The following NBPF12 variants were observed in gnomAD, a reference collection of about 807,000 sequenced individuals.
NBPF12 encodes the protein NBPF member 12, also known as NBPF family member NBPF12.
A neutral mutation model predicts 146.4 loss-of-function variants in NBPF12; 115 were observed. That is an observed-to-expected ratio of 0.79 (90% CI 0.68 to 0.92). The LOEUF is 0.92. NBPF12 is among the 40% of genes least tolerant of loss of function. NBPF12 has a pLI of 0.00. For synonymous variants in NBPF12, 385 were observed against 508.9 expected (o/e 0.76, Z 3.28); for missense variants, 1,205 against 1,326.8 (o/e 0.91, Z 1.43).
chr1:146,939,188 T>A (rs1654678079), intron 1 of NBPF12, among the ~76,000 whole-genome samples, 176 bp downstream of exon 1: 1 of 151,922 alleles, frequency 6.6e-6, no homozygotes, highest in Non-Finnish European at 1.5e-5. Context: ...CCCACAGCCC[T>A]CCTCTCGTGG....
At chr1:146,954,537 T>G (rs1440857119) in intron 2 of NBPF12, among the ~76,000 whole-genome samples, 1 of 150,454 alleles carries the variant, frequency 6.6e-6, no homozygotes, top group Non-Finnish European at 1.5e-5. Flanking sequence ...AGAGTTGTTA[T>G]GTTTAAAGAG....
upstream of NBPF12, among the ~76,000 whole-genome samples, chr1:146,946,388 A>G (rs1276192920): frequency 6.6e-6 from 1 of 150,654 alleles, no homozygotes. Context: ...AGCCATTCTG[A>G]TAGGTTTACG....
intron 6 of NBPF12, among the ~76,000 whole-genome samples, chr1:146,963,795 G>C (rs1210802707): frequency 6.8e-6 from 1 of 146,718 alleles, no homozygotes; most frequent in East Asian, 2.0e-4. Flanking sequence ...TTTTCAAAAT[G>C]AGATGAAGCC....
chr1:146,963,861 A>G (rs1180270709), intron 6 of NBPF12, among the ~76,000 whole-genome samples: 6 of 146,024 alleles, frequency 4.1e-5, no homozygotes, highest in Non-Finnish European at 5.9e-5. Flanking sequence ...GGTGGTAGGA[A>G]GTGCTTCACA....
intron 5 of NBPF12, among the ~76,000 whole-genome samples, chr1:146,962,891 C>T (rs1326476500): frequency 7.9e-5 from 12 of 151,410 alleles, no homozygotes; most frequent in African/African-American, 2.4e-4. Context: ...CATCGAGGAT[C>T]TTGCAGGAGC....
chr1:146,987,795 T>A (rs1305522731), intron 25 of NBPF12, among the ~76,000 whole-genome samples, 159 bp from the exon 29 acceptor site: 1 of 152,092 alleles, frequency 6.6e-6, no homozygotes, highest in Non-Finnish European at 1.5e-5. Context: ...CATTTGGCCC[T>A]GTTCTGTCCC....
intron 1 of NBPF12, among the ~76,000 whole-genome samples, chr1:146,950,089 A>T (rs1361101007): frequency 3.3e-5 from 5 of 152,076 alleles, no homozygotes; most frequent in African/African-American, 1.2e-4. Context: ...TTTGGGGACC[A>T]TTTCAGAAAT....
chr1:146,960,608 T>C (rs1655788325), intron 4 of NBPF12, among the ~76,000 whole-genome samples: 1 of 151,962 alleles, frequency 6.6e-6, no homozygotes, highest in African/African-American at 2.4e-5. Flanking sequence ...TCAATCGTGT[T>C]TTCAAGAATC....
Position 146,964,890 on chromosome 1 carries a change from C to A in NBPF12, c.567-3C>A. 6.3e-7 allele frequency: 1 copy of A among 1,582,218 alleles called. No individual in the cohort carries two copies. The highest frequency in any genetic ancestry group is 2.2e-5 in the East Asian group (1 of 44,752). ...GTCATCTCTGTCCCACCTGGCTCAT[C>A]AGGGAGGTGCAGAAGGCTGAAGAGA... On this transcript the variant is annotated splice_region_variant and splice_polypyrimidine_tract_variant and intron_variant, in intron 7 of 33. Transcript: ENST00000617844.
chr1:146,962,025 G>C (rs1330363428), intron 4 of NBPF12, 136 bp from the exon 8 acceptor site: 2 of 722,558 alleles, frequency 2.8e-6, no homozygotes, highest in Non-Finnish European at 4.7e-6. Flanking sequence ...GAGTAAAGAT[G>C]TGGAAATCCC....
intron 2 of NBPF12, among the ~76,000 whole-genome samples, chr1:146,955,114 C>T (rs1655526860): frequency 1.0e-5 from 1 of 97,794 alleles, no homozygotes; most frequent in Non-Finnish European, 2.1e-5. Flanking sequence ...AAAGAAGATA[C>T]ATGAATGGTC....
intron 2 of NBPF12, among the ~76,000 whole-genome samples, chr1:146,952,282 T>C (rs879065518): frequency 0.018 from 2,787 of 152,060 alleles, 107 homozygotes; most frequent in African/African-American, 0.064. Flanking sequence ...AATGAGCAGC[T>C]GACAGTGGCT....
intron 2 of NBPF12, among the ~76,000 whole-genome samples, chr1:146,955,017 C>T (rs1306407781): frequency 1.5e-4 from 14 of 95,170 alleles, no homozygotes; most frequent in Non-Finnish European, 2.5e-4. Flanking sequence ...TATATATACA[C>T]ACACACACAC....
At chr1:146,984,942 C>CGTATTGGAG (rs1657660575) in exon 22 of NBPF12, 1 of 1,553,906 alleles carries the variant, frequency 6.4e-7, no homozygotes, top group South Asian at 1.1e-5. Context: ...GTGCCTTTTA[C>CGTATTGGAG]GTATTGGAGC....
At chr1:146,940,631 A>G (rs1157900327) in intron 1 of NBPF12, among the ~76,000 whole-genome samples, 1 of 151,824 alleles carries the variant, frequency 6.6e-6, no homozygotes, top group Non-Finnish European at 1.5e-5. Context: ...GAACATTACT[A>G]TATTGGGGTA....
intron 21 of NBPF12, among the ~76,000 whole-genome samples, chr1:146,984,577 CTGTGTGTGTGTGTGTGTGTGTGTGTGTG>C (rs1195588193): frequency 3.8e-5 from 5 of 132,788 alleles, no homozygotes; most frequent in Admixed American, 1.5e-4. Flanking sequence ...TGAGCTCACA[CTGTGTGTGTGTGTGTGTGTGTGTGTGTG>C]TGTGTGTGTG....
upstream of NBPF12, among the ~76,000 whole-genome samples, chr1:146,946,994 C>A (rs1387903640): frequency 1.3e-5 from 2 of 152,052 alleles, no homozygotes; most frequent in East Asian, 3.9e-4. Flanking sequence ...TGTATGTAGG[C>A]CTGCTTCTGG....
In NBPF12 at chr1:146,981,291, A is replaced by AT. The variant is rs1170619333; in HGVS notation, c.2451-1637_2451-1636insT. On this transcript the variant is annotated intron_variant, in intron 19 of 33. Coordinates refer to ENST00000617844, the Ensembl canonical transcript of NBPF12. ...ACTTAAAGTATTAAAAAAAAAAAAA[A>AT]AAAATATATATATATATATATATAC... Among the ~76,000 whole-genome samples, 568 of 106,360 alleles carry AT rather than the reference A, an allele frequency of 5.3e-3. 9 individuals carry two copies. Among genetic ancestry groups the AT allele is most frequent in the Middle Eastern group, 0.026 (6 of 234 alleles). The allele number at this position is 106,360 out of a possible 152,430, so 69.8% of individuals were successfully genotyped here.
chr1:146,987,451 C>T (rs1657842259), intron 25 of NBPF12, among the ~76,000 whole-genome samples, 166 bp downstream of exon 28: 1 of 152,040 alleles, frequency 6.6e-6, no homozygotes, highest in African/African-American at 2.4e-5. Flanking sequence ...TTTAGGTTTC[C>T]ATTTCTTCCT....
Sources: gnomAD v4.1 joint callset for allele counts (sites outside exome capture counted in the v4.1 genomes callset) on GRCh38, gnomAD v4.1.1 for gene constraint, MANE v1.5 for transcripts, NCBI Gene and HGNC (gene_info 2026-07-23, HGNC 2026-07-21) for gene names.